SNX18: variants seen among roughly 807,000 people sequenced by gnomAD.
SNX18 encodes the protein sorting nexin-18.
SNX18 carries 35 observed loss-of-function variants against 48.7 expected under a neutral mutation model. The observed-to-expected ratio is 0.72, with a 90% CI of 0.55 to 0.95. SNX18 has a LOEUF of 0.95. Ranked by LOEUF, SNX18 falls within the 40% of genes least tolerant of loss-of-function variation. The pLI, the probability that SNX18 is intolerant of heterozygous loss-of-function variation, is 0.00. For synonymous variants in SNX18, 492 were observed against 384.7 expected (o/e 1.28, Z -3.26); for missense variants, 824 against 871.0 (o/e 0.95, Z 0.68).
rs1472398001 is a variant in SNX18, at chr5:54,544,560, T to G, written c.*1128T>G. The G allele has an allele frequency of 6.6e-6, 1 of 151,716 alleles. No homozygotes were observed. Among genetic ancestry groups the G allele is most frequent in the Non-Finnish European group, 1.5e-5 (1 of 67,938 alleles). The allele number at this position is 151,716 out of a possible 1,614,324, so 9.4% of individuals were successfully genotyped here. A position where few individuals can be genotyped will look rare whatever the true frequency, so the allele number is the denominator to read the frequency against. On this transcript the variant is annotated 3_prime_UTR_variant, in exon 2 of 2. Transcript: ENST00000381410. Reference sequence around the variant, plus strand: ...ATCTAAGGAGGGACCAGAAATAATTTTTGCTATTCCAAATACTGAAGGAAA... The same window carrying G: ...ATCTAAGGAGGGACCAGAAATAATTGTTGCTATTCCAAATACTGAAGGAAA...
At chr5:54,572,721 C>G in the SNX18 span, among the ~76,000 whole-genome samples, 3 of 109,644 alleles carry the variant, frequency 2.7e-5, no homozygotes, top group African/African-American at 1.1e-4. Flanking sequence ...ACTTTCTCCT[C>G]CAAATTGTGT....
chr5:54,630,084 T>A, the SNX18 span, among the ~76,000 whole-genome samples: 1 of 152,194 alleles, frequency 6.6e-6, no homozygotes, highest in African/African-American at 2.4e-5. Context: ...GACTTACCCA[T>A]TGTCTATACA....
the SNX18 span, among the ~76,000 whole-genome samples, chr5:54,559,486 T>G: frequency 1.6e-4 from 25 of 152,198 alleles, no homozygotes; most frequent in Non-Finnish European, 3.4e-4. Context: ...AGACTCCCTA[T>G]TCAATAAATG....
chr5:54,519,634 C>T (rs760591201), intron 1 of SNX18, 61 bp downstream of exon 1: 3 of 1,614,182 alleles, frequency 1.9e-6, no homozygotes, highest in Non-Finnish European at 1.7e-6. Flanking sequence ...AAAGGGGCGA[C>T]TTTGACAGCA....
At chr5:54,592,207 G>T in the SNX18 span, among the ~76,000 whole-genome samples, 1 of 152,128 alleles carries the variant, frequency 6.6e-6, no homozygotes, top group Non-Finnish European at 1.5e-5. Context: ...CACACATGGT[G>T]ACCTGGGACA....
At chr5:54,524,307 C>T (rs935434770) in intron 1 of SNX18, among the ~76,000 whole-genome samples, 1 of 152,188 alleles carries the variant, frequency 6.6e-6, no homozygotes, top group African/African-American at 2.4e-5. Context: ...AGGGGTTTCT[C>T]AGACTTCTTT....
chr5:54,621,662 C>T, the SNX18 span, among the ~76,000 whole-genome samples: 18,079 of 152,054 alleles, frequency 0.12, 1,269 homozygotes, highest in East Asian at 0.17. Context: ...TTCAGAAAAA[C>T]GAGAAAGTGC....
chr5:54,637,890 C>T, the SNX18 span, among the ~76,000 whole-genome samples: 26,017 of 152,160 alleles, frequency 0.17, 2,256 homozygotes, highest in African/African-American at 0.21. Flanking sequence ...TTGTTCCAAC[C>T]AGCTCTAGGC....
At chr5:54,616,737 C>A in the SNX18 span, among the ~76,000 whole-genome samples, 1 of 152,028 alleles carries the variant, frequency 6.6e-6, no homozygotes, top group South Asian at 2.1e-4. Context: ...CCACTGCACT[C>A]CAGCCTGGAT....
chr5:54,637,474 C>T, the SNX18 span, among the ~76,000 whole-genome samples: 1 of 151,818 alleles, frequency 6.6e-6, no homozygotes, highest in African/African-American at 2.4e-5. Flanking sequence ...ATAGATTTTG[C>T]CAGCTGGTAC....
downstream of SNX18, among the ~76,000 whole-genome samples, chr5:54,550,992 C>G (rs1206754946): frequency 6.6e-6 from 1 of 151,554 alleles, no homozygotes; most frequent in Non-Finnish European, 1.5e-5. Context: ...ACTGTATTCC[C>G]TATTATCTCT....
the SNX18 span, among the ~76,000 whole-genome samples, chr5:54,570,022 C>T: frequency 2.0e-5 from 3 of 152,220 alleles, no homozygotes; most frequent in African/African-American, 7.2e-5. Flanking sequence ...AGTCCTAACA[C>T]TCAGTACGTG....
At chr5:54,593,459 C>A in the SNX18 span, among the ~76,000 whole-genome samples, 1 of 152,134 alleles carries the variant, frequency 6.6e-6, no homozygotes, top group Admixed American at 6.6e-5. Flanking sequence ...ATTGTTAAGA[C>A]ATTAATTATC....
chr5:54,589,718 TAC>T, the SNX18 span, among the ~76,000 whole-genome samples: 2 of 152,184 alleles, frequency 1.3e-5, no homozygotes, highest in Middle Eastern at 3.2e-3. Flanking sequence ...GCTCTAATAT[TAC>T]TTCTACTGGC....
intron 1 of SNX18, among the ~76,000 whole-genome samples, chr5:54,526,336 G>C (rs571014285): frequency 4.7e-4 from 72 of 152,216 alleles, no homozygotes; most frequent in African/African-American, 1.7e-3. Context: ...TTGAACTCCT[G>C]ACCTCAAGCA....
chr5:54,615,687 T>G, the SNX18 span, among the ~76,000 whole-genome samples: 3 of 152,230 alleles, frequency 2.0e-5, no homozygotes, highest in African/African-American at 7.2e-5. Flanking sequence ...GTTTCTAGAC[T>G]CTACAAGAGT....
rs1242920966 is a variant in SNX18, at chr5:54,519,528, C to G, written c.1576C>G (p.Gln526Glu). The change falls in exon 1 of 2, where the codon CAG (glutamine) becomes GAG (glutamate). Residue 526 changes from glutamine to glutamate, a missense_variant. By Grantham distance (29) the Gln-to-Glu change is conservative (BLOSUM62 2). Transcript: ENST00000381410. Reference sequence around the variant, plus strand: ...CGTCATGGACCTATTAGCGCTGTATCAGGGGCATCTGGCTAACTTCCCGGA... The same window carrying G: ...CGTCATGGACCTATTAGCGCTGTATGAGGGGCATCTGGCTAACTTCCCGGA... ...DPVMDLLALY[Q>E]GHLANFPDII... 1 of 1,614,224 alleles carries G rather than the reference C, an allele frequency of 6.2e-7. No homozygotes were observed. Among genetic ancestry groups the G allele is most frequent in the Non-Finnish European group, 8.5e-7 (1 of 1,180,036 alleles).
chr5:54,534,548 G>T (rs1762314941), intron 1 of SNX18, among the ~76,000 whole-genome samples: 1 of 152,108 alleles, frequency 6.6e-6, no homozygotes, highest in South Asian at 2.1e-4. Flanking sequence ...GCAGTACAGT[G>T]TATGAGGGCT....
At chr5:54,621,230 G>A in the SNX18 span, among the ~76,000 whole-genome samples, 1 of 152,292 alleles carries the variant, frequency 6.6e-6, no homozygotes, top group African/African-American at 2.4e-5. Context: ...CTAACTCAGA[G>A]AACTTCATTC....
Sources: allele counts gnomAD v4.1 joint callset (sites outside exome capture counted in the v4.1 genomes callset), GRCh38; gene constraint gnomAD v4.1.1; transcripts MANE v1.5; gene names NCBI Gene and HGNC (gene_info 2026-07-23, HGNC 2026-07-21).